Variants in RUNX2 observed in about 807,000 individuals in gnomAD.
RUNX2 encodes the protein RUNX family transcription factor 2, also known as runt-related transcription factor 2.
RUNX2 carries 10 observed loss-of-function variants against 51.7 expected under a neutral mutation model. That is an observed-to-expected ratio of 0.19 (90% CI 0.12 to 0.33). The LOEUF (loss-of-function observed/expected upper bound fraction) is 0.33, where lower values mean the gene tolerates loss of function less well. Ranked by LOEUF, RUNX2 falls within the 10% of genes least tolerant of loss-of-function variation. The probability of loss-of-function intolerance (pLI) is 1.00; values close to 1 mark genes in which losing one functional copy is unlikely to be tolerated. For synonymous variants in RUNX2, 276 were observed against 273.6 expected (o/e 1.01, Z -0.09); for missense variants, 562 against 691.3 (o/e 0.81, Z 2.10).
chr6:45,376,221 G>A (rs1336076974), intron 2 of RUNX2, among the ~76,000 whole-genome samples: 1 of 152,158 alleles, frequency 6.6e-6, no homozygotes, highest in Non-Finnish European at 1.5e-5. Flanking sequence ...ACAGACCCAT[G>A]GTCTGAACTG....
At chr6:45,384,706 CTTTTTT>C (rs56307239) in intron 2 of RUNX2, among the ~76,000 whole-genome samples, 4 of 61,202 alleles carry the variant, frequency 6.5e-5, no homozygotes, top group Non-Finnish European at 8.7e-5. Context: ...ATTAGGGTGT[CTTTTTT>C]TTTTTTTTTT....
At chr6:45,349,106 G>A (rs1161795698) in intron 2 of RUNX2, among the ~76,000 whole-genome samples, 3 of 152,086 alleles carry the variant, frequency 2.0e-5, no homozygotes, top group Non-Finnish European at 4.4e-5. Flanking sequence ...AAATGTTACT[G>A]CCTATAATAC....
intron 2 of RUNX2, among the ~76,000 whole-genome samples, chr6:45,388,787 C>T (rs1797413024): frequency 6.6e-6 from 1 of 152,040 alleles, no homozygotes; most frequent in Non-Finnish European, 1.5e-5. Flanking sequence ...AAATCTAAAC[C>T]AAGAGATTTC....
intron 2 of RUNX2, among the ~76,000 whole-genome samples, chr6:45,339,985 A>C (rs965669468): frequency 6.6e-6 from 1 of 152,170 alleles, no homozygotes; most frequent in African/African-American, 2.4e-5. Flanking sequence ...CAGATGAGGA[A>C]GCTGAGAATG....
chr6:45,438,166 G>C, intron 5 of RUNX2, 115 bp downstream of exon 5: 1 of 726,546 alleles, frequency 1.4e-6, no homozygotes, highest in Non-Finnish European at 2.5e-6. Context: ...TGTGGACTTT[G>C]CTATCTGCAT....
At chr6:45,519,790 ATGTGTGTGTGTG>A (rs35210688) in intron 7 of RUNX2, among the ~76,000 whole-genome samples, 1,796 of 124,124 alleles carry the variant, frequency 0.014, 76 homozygotes, top group African/African-American at 0.05. Flanking sequence ...ATATATATAT[ATGTGTGTGTGTG>A]TGTGTGTGTG....
At chr6:45,380,765 C>T (rs1314878367) in intron 2 of RUNX2, among the ~76,000 whole-genome samples, 1 of 152,022 alleles carries the variant, frequency 6.6e-6, no homozygotes, top group African/African-American at 2.4e-5. Context: ...TTAATAGAGA[C>T]GGGGTTTCAC....
chr6:45,516,216 G>A (rs1264277196), intron 7 of RUNX2, among the ~76,000 whole-genome samples: 1 of 152,172 alleles, frequency 6.6e-6, no homozygotes, highest in Non-Finnish European at 1.5e-5. Flanking sequence ...TTACTTTACT[G>A]CAGAGAAAGA....
intron 2 of RUNX2, among the ~76,000 whole-genome samples, chr6:45,334,801 T>C (rs1788236509): frequency 6.6e-6 from 1 of 151,194 alleles, no homozygotes; most frequent in African/African-American, 2.4e-5. Context: ...ACTATAGTTC[T>C]GTCATGAAAT....
At chr6:45,533,137 T>G (rs112324386) in intron 7 of RUNX2, among the ~76,000 whole-genome samples, 7 of 63,430 alleles carry the variant, frequency 1.1e-4, no homozygotes, top group Middle Eastern at 6.3e-3. Flanking sequence ...TCTGAAGGGG[T>G]GTGTGTGTGT....
chr6:45,422,515 T>C, intron 2 of RUNX2, 78 bp from the exon 3 acceptor site: 1 of 989,220 alleles, frequency 1.0e-6, no homozygotes, highest in Admixed American at 2.5e-5. Context: ...ATTTCCTCCT[T>C]GCCCCTCATT....
chr6:45,384,748 C>T (rs1797315224), intron 2 of RUNX2, among the ~76,000 whole-genome samples: 2 of 124,326 alleles, frequency 1.6e-5, no homozygotes, highest in African/African-American at 6.0e-5. Context: ...GACCGGGTCT[C>T]ACTCTATCTC....
intron 6 of RUNX2, among the ~76,000 whole-genome samples, chr6:45,495,427 A>G (rs1328521420): frequency 6.6e-6 from 1 of 152,224 alleles, no homozygotes; most frequent in Non-Finnish European, 1.5e-5. Context: ...TCAATAAAAC[A>G]TTTACTTAGT....
chr6:45,332,952 T>C (rs527460360), intron 2 of RUNX2, among the ~76,000 whole-genome samples: 2 of 151,760 alleles, frequency 1.3e-5, no homozygotes, highest in African/African-American at 2.4e-5. Context: ...CCACTGAAGA[T>C]AGATAAAATT....
At chr6:45,422,562 C>A (rs752032699) in intron 2 of RUNX2, 31 bp from the exon 3 acceptor site, 6 of 1,524,308 alleles carry the variant, frequency 3.9e-6, no homozygotes, top group South Asian at 1.1e-5. Context: ...ACTTCGCTAA[C>A]TTGTGGCTGT....
chr6:45,413,028 G>A (rs1313177291), intron 2 of RUNX2, among the ~76,000 whole-genome samples: 1 of 152,012 alleles, frequency 6.6e-6, no homozygotes, highest in Non-Finnish European at 1.5e-5. Context: ...TGGGATTACA[G>A]GCGTGAGCCA....
At chr6:45,521,953 T>A (rs1165208777) in intron 7 of RUNX2, among the ~76,000 whole-genome samples, 1 of 152,200 alleles carries the variant, frequency 6.6e-6, no homozygotes, top group Non-Finnish European at 1.5e-5. Context: ...AATTATTTAC[T>A]TTTAGAGCTG....
intron 7 of RUNX2, among the ~76,000 whole-genome samples, chr6:45,514,124 GA>G (rs929408467): frequency 6.6e-6 from 1 of 151,986 alleles, no homozygotes. Context: ...GTACCTACAA[GA>G]AAAAAACCTC....
intron 2 of RUNX2, among the ~76,000 whole-genome samples, chr6:45,407,619 A>G (rs942695502): frequency 6.6e-6 from 1 of 151,652 alleles, no homozygotes; most frequent in East Asian, 1.9e-4. Flanking sequence ...CAGCCTCCCC[A>G]CTAGCTGGGA....
Sources: gnomAD v4.1 joint callset for allele counts (sites outside exome capture counted in the v4.1 genomes callset) on GRCh38, gnomAD v4.1.1 for gene constraint, MANE v1.5 for transcripts, NCBI Gene and HGNC (gene_info 2026-07-23, HGNC 2026-07-21) for gene names.